Variants in ACLY observed in about 807,000 individuals in gnomAD.
ACLY encodes the protein ATP-citrate synthase.
A neutral mutation model predicts 133.0 loss-of-function variants in ACLY; 41 were observed. The observed-to-expected ratio is 0.31, with a 90% CI of 0.24 to 0.40. The LOEUF is 0.40. ACLY is among the 10% of genes least tolerant of loss of function. The pLI, the probability that ACLY is intolerant of heterozygous loss-of-function variation, is 1.00. For synonymous variants in ACLY, 495 were observed against 549.3 expected (o/e 0.90, Z 1.38); for missense variants, 1,046 against 1,453.8 (o/e 0.72, Z 4.56).
At chr17:41,869,174 TC>T in intron 26 of ACLY, 49 bp from the exon 27 acceptor site, 1 of 1,525,866 alleles carries the variant, frequency 6.6e-7, no homozygotes, top group East Asian at 2.2e-5. Context: ...TCTCATTTTT[TC>T]TTCATAATTT....
chr17:41,874,014 G>C, intron 22 of ACLY, 49 bp from the exon 23 acceptor site: 1 of 1,532,898 alleles, frequency 6.5e-7, no homozygotes. Flanking sequence ...GACCACCACA[G>C]ATTTTTCCAG....
At chr17:41,890,380 G>A (rs1167221363) in intron 16 of ACLY, among the ~76,000 whole-genome samples, 2 of 149,492 alleles carry the variant, frequency 1.3e-5, no homozygotes, top group African/African-American at 2.5e-5. Flanking sequence ...GAAGCTGACC[G>A]ATTGAAAAAA....
chr17:41,901,658 A>G (rs1484135739), intron 11 of ACLY, 38 bp downstream of exon 11: 3 of 1,565,750 alleles, frequency 1.9e-6, no homozygotes, highest in African/African-American at 2.7e-5. Context: ...GGCCACCCAC[A>G]CTCAGGGTGA....
At chr17:41,876,776 G>T (rs561518621) in intron 22 of ACLY, among the ~76,000 whole-genome samples, 1 of 152,098 alleles carries the variant, frequency 6.6e-6, no homozygotes, top group South Asian at 2.1e-4. Flanking sequence ...CAAACACTGC[G>T]GAAGGCCCCA....
chr17:41,884,411 C>T, intron 18 of ACLY, 137 bp from the exon 19 acceptor site: 1 of 610,712 alleles, frequency 1.6e-6, no homozygotes. Flanking sequence ...TCCAGAGATG[C>T]CCCAGCAATA....
At chr17:41,896,734 C>A in intron 13 of ACLY, 85 bp from the exon 14 acceptor site, 1 of 1,299,384 alleles carries the variant, frequency 7.7e-7, no homozygotes, top group Admixed American at 2.4e-5. Flanking sequence ...AGGGAAGGGT[C>A]CCATGGACAA....
chr17:41,878,169 A>T lies in ACLY; in HGVS notation c.2421T>A (p.Asn807Lys). ...IQSVYEDLVA[N>K]GVIVPAQEVP... The stretch of plus-strand genomic sequence containing the variant: ...CCTCCTGGGCAGGTACAATGACTCC[A>T]TTGGCCACGAGATCTTCGTATACAG... Residue 807 changes from asparagine (N) to lysine (K), a missense_variant, in exon 22 of 29, where the codon AAT becomes AAA. Transcript: ENST00000352035. The T allele has an allele frequency of 6.3e-7, 1 of 1,597,060 alleles. No homozygotes were observed. The highest frequency in any genetic ancestry group is 8.5e-7 in the Non-Finnish European group (1 of 1,171,984).
intron 7 of ACLY, among the ~76,000 whole-genome samples, chr17:41,907,000 G>A (rs1241532292): frequency 6.6e-6 from 1 of 151,990 alleles, no homozygotes; most frequent in Non-Finnish European, 1.5e-5. Flanking sequence ...CCAACCCCAG[G>A]CCTCCCCAGA....
chr17:41,900,401 C>A (rs1346344959), intron 11 of ACLY, among the ~76,000 whole-genome samples: 1 of 151,586 alleles, frequency 6.6e-6, no homozygotes, highest in Non-Finnish European at 1.5e-5. Flanking sequence ...AAAAATTAAC[C>A]CTATTCAATT....
chr17:41,874,961 G>T (rs35460072), intron 22 of ACLY, among the ~76,000 whole-genome samples: 6,183 of 148,400 alleles, frequency 0.042, 435 homozygotes, highest in African/African-American at 0.15. Context: ...GAGAGGCTCA[G>T]TAACCAGCCC....
intron 15 of ACLY, among the ~76,000 whole-genome samples, chr17:41,892,653 G>A (rs1648030545): frequency 6.6e-6 from 1 of 151,884 alleles, no homozygotes; most frequent in Admixed American, 6.6e-5. Flanking sequence ...CAAAGGGAAT[G>A]AGCTCACTGA....
At chr17:41,869,426 A>G (rs782281916) in intron 26 of ACLY, 48 bp downstream of exon 26, 1 of 1,487,946 alleles carries the variant, frequency 6.7e-7, no homozygotes, top group South Asian at 1.1e-5. Flanking sequence ...TGTTTCCTCC[A>G]ATAAACTTGT....
chr17:41,873,065 C>T (rs1029662035), intron 23 of ACLY, among the ~76,000 whole-genome samples: 1 of 152,166 alleles, frequency 6.6e-6, no homozygotes, highest in Non-Finnish European at 1.5e-5. Flanking sequence ...GCTCCCCTGC[C>T]CAGCCGTCAG....
At chr17:41,892,545 G>A in intron 15 of ACLY, 98 bp from the exon 16 acceptor site, 2 of 1,129,704 alleles carry the variant, frequency 1.8e-6, no homozygotes, top group Non-Finnish European at 1.3e-6. Context: ...GATAGAAAAG[G>A]CATGGTCTGT....
rs781860177 is a variant in ACLY at position 41,886,144 on chromosome 17, G to A, written c.2040C>T (p.Gly680=). ...LNNIISRTTD[G]VYEGVAIGGD... is the part of the protein sequence containing the mutation. ...CACCAATGGCCACGCCCTCATAGAC[G>A]CCATCCGTGGTCCGAGAGATGATAT... is the stretch of plus-strand genomic sequence containing the variant. Residue 680 remains glycine, a synonymous_variant, in exon 18 of 29, where the codon GGC becomes GGT. Coordinates refer to ENST00000352035, the MANE Select transcript of ACLY (RefSeq NM_001096.3). The A allele has an allele frequency of 1.1e-5, 17 of 1,613,926 alleles. No individual in the cohort carries two copies. The highest frequency in any genetic ancestry group is 4.0e-5 in the African/African-American group (3 of 74,894).
At chr17:41,899,111 C>A (rs2049453407) in intron 11 of ACLY, among the ~76,000 whole-genome samples, 2 of 151,968 alleles carry the variant, frequency 1.3e-5, no homozygotes, top group Admixed American at 1.3e-4. Flanking sequence ...CCTGTCTCTA[C>A]TAAAAACACA....
chr17:41,896,176 G>A (rs933487904), intron 14 of ACLY, among the ~76,000 whole-genome samples: 1 of 152,144 alleles, frequency 6.6e-6, no homozygotes, highest in African/African-American at 2.4e-5. Flanking sequence ...ATGACATCAG[G>A]AGATGTAAAT....
intron 16 of ACLY, 147 bp from the exon 17 acceptor site, chr17:41,887,850 G>A (rs575444326): frequency 9.7e-5 from 62 of 641,026 alleles, no homozygotes; most frequent in South Asian, 5.5e-4. Context: ...CATATCAGCC[G>A]GGCGCGGTGG....
intron 20 of ACLY, among the ~76,000 whole-genome samples, chr17:41,879,243 T>C (rs1555626760): frequency 6.6e-6 from 1 of 151,872 alleles, no homozygotes. Flanking sequence ...GTAGCTAGGA[T>C]TACAGGTGCC....
Sources: allele counts gnomAD v4.1 joint callset (sites outside exome capture counted in the v4.1 genomes callset), GRCh38; gene constraint gnomAD v4.1.1; transcripts MANE v1.5; gene names NCBI Gene and HGNC (gene_info 2026-07-23, HGNC 2026-07-21).